AFG2A: variants seen among roughly 807,000 people sequenced by gnomAD.
The protein encoded by AFG2A is AAA ATPase AFG2A.
At chr4:122,987,966 C>T in the AFG2A span, among the ~76,000 whole-genome samples, 1 of 152,106 alleles carries the variant, frequency 6.6e-6, no homozygotes, top group South Asian at 2.1e-4. Flanking sequence ...TGAACTGGCT[C>T]TAGTGGTGCT....
chr4:123,011,136 C>T, the AFG2A span, among the ~76,000 whole-genome samples: 1 of 152,322 alleles, frequency 6.6e-6, no homozygotes, highest in African/African-American at 2.4e-5. Flanking sequence ...TATTCTTCCC[C>T]ATGGGGGAGC....
At chr4:123,187,045 G>A in the AFG2A span, among the ~76,000 whole-genome samples, 1 of 152,118 alleles carries the variant, frequency 6.6e-6, no homozygotes, top group African/African-American at 2.4e-5. Context: ...CAAAGGGAAA[G>A]GCTTGGGAAA....
At chr4:123,187,426 G>C in the AFG2A span, among the ~76,000 whole-genome samples, 1 of 152,142 alleles carries the variant, frequency 6.6e-6, no homozygotes, top group Non-Finnish European at 1.5e-5. Context: ...TGTTATCGCT[G>C]AATTCTACTT....
chr4:123,292,915 A>C, the AFG2A span, among the ~76,000 whole-genome samples: 2 of 152,200 alleles, frequency 1.3e-5, no homozygotes, highest in Non-Finnish European at 2.9e-5. Flanking sequence ...TGGTGGACAG[A>C]AGTCCCAGCC....
chr4:123,001,851 G>T, the AFG2A span, among the ~76,000 whole-genome samples: 3 of 151,684 alleles, frequency 2.0e-5, no homozygotes, highest in African/African-American at 2.4e-5. Flanking sequence ...TCAATTCCTG[G>T]GTATCCTTGT....
At chr4:123,103,274 G>A in the AFG2A span, among the ~76,000 whole-genome samples, 1 of 152,034 alleles carries the variant, frequency 6.6e-6, no homozygotes, top group Non-Finnish European at 1.5e-5. Context: ...ATTTAAGTGT[G>A]GGTTTGTGTG....
the AFG2A span, among the ~76,000 whole-genome samples, chr4:123,089,591 T>C: frequency 1.3e-5 from 2 of 152,124 alleles, no homozygotes; most frequent in African/African-American, 4.8e-5. Context: ...CTTCTTTTTT[T>C]TTTCTTTTTT....
chr4:122,952,129 G>A, the AFG2A span, among the ~76,000 whole-genome samples: 1 of 152,282 alleles, frequency 6.6e-6, no homozygotes, highest in South Asian at 2.1e-4. Context: ...TCTACTTGTT[G>A]TAAGGCATAA....
At chr4:123,172,851 T>A in the AFG2A span, among the ~76,000 whole-genome samples, 3 of 152,130 alleles carry the variant, frequency 2.0e-5, no homozygotes, top group Non-Finnish European at 4.4e-5. Context: ...AGAGACACTC[T>A]AAGCTTAAAA....
the AFG2A span, among the ~76,000 whole-genome samples, chr4:123,017,168 G>GAGGGAA: frequency 7.2e-5 from 1 of 13,838 alleles, no homozygotes; most frequent in African/African-American, 1.6e-4. Flanking sequence ...GGGAAGGGGA[G>GAGGGAA]AGGGAGAGGG....
the AFG2A span, among the ~76,000 whole-genome samples, chr4:123,152,229 A>G: frequency 6.6e-6 from 1 of 152,162 alleles, no homozygotes; most frequent in East Asian, 1.9e-4. Flanking sequence ...ATGTATACCT[A>G]TGTAACAAAC....
the AFG2A span, among the ~76,000 whole-genome samples, chr4:123,157,206 T>C: frequency 6.6e-6 from 1 of 151,602 alleles, no homozygotes; most frequent in Admixed American, 6.6e-5. Context: ...TTTTTTTAAG[T>C]AGAGACAGGG....
the AFG2A span, among the ~76,000 whole-genome samples, chr4:123,003,932 A>T: frequency 0.012 from 1,832 of 152,226 alleles, 42 homozygotes; most frequent in African/African-American, 0.041. Flanking sequence ...AGAGGCAGGC[A>T]GGCCTCCTTG....
chr4:122,925,764 A>T, the AFG2A span, among the ~76,000 whole-genome samples: 4 of 152,310 alleles, frequency 2.6e-5, no homozygotes, highest in South Asian at 8.3e-4. Context: ...TTTTACAGCT[A>T]TCCACTGATT....
the AFG2A span, among the ~76,000 whole-genome samples, chr4:123,009,160 C>T: frequency 6.6e-6 from 1 of 152,204 alleles, no homozygotes; most frequent in Non-Finnish European, 1.5e-5. Context: ...TCTAGATGTC[C>T]TTTTCCAGTG....
chr4:123,009,982 G>A, the AFG2A span, among the ~76,000 whole-genome samples: 124,121 of 152,060 alleles, frequency 0.82, 52,249 homozygotes, highest in East Asian at 0.96. Flanking sequence ...TGTCAAGATC[G>A]CTGTGCACAA....
the AFG2A span, chr4:122,938,081 A>G: frequency 6.6e-7 from 1 of 1,507,098 alleles, no homozygotes; most frequent in Non-Finnish European, 8.9e-7. Flanking sequence ...TAAAACTTAA[A>G]ATCAAATATA....
the AFG2A span, among the ~76,000 whole-genome samples, chr4:123,064,426 A>T: frequency 4.6e-5 from 7 of 152,378 alleles, no homozygotes; most frequent in East Asian, 3.9e-4. Flanking sequence ...AGAAAAACTC[A>T]CAGAAAGGTC....
the AFG2A span, among the ~76,000 whole-genome samples, chr4:123,017,334 A>G: frequency 6.7e-6 from 1 of 149,508 alleles, no homozygotes; most frequent in Non-Finnish European, 1.5e-5. Context: ...TTATGGCACC[A>G]TAGTGAAACT....
Sources: allele counts gnomAD v4.1 joint callset (sites outside exome capture counted in the v4.1 genomes callset), GRCh38; gene constraint gnomAD v4.1.1; transcripts MANE v1.5; gene names NCBI Gene and HGNC (gene_info 2026-07-23, HGNC 2026-07-21).